The following DTX2 variants were observed in gnomAD, a reference collection of about 807,000 sequenced individuals.
DTX2 encodes probable E3 ubiquitin-protein ligase DTX2.
Under a neutral mutation model 55.3 loss-of-function variants are expected in DTX2, and 29 were observed. The observed-to-expected ratio is 0.52, with a 90% confidence interval of 0.39 to 0.71. The LOEUF (loss-of-function observed/expected upper bound fraction) is 0.71. DTX2 is among the 30% of genes least tolerant of loss of function. DTX2 has a pLI of 0.00. For synonymous variants in DTX2, 276 were observed against 340.4 expected, an observed-to-expected ratio of 0.81 and a Z score of 2.08; for missense variants, 537 against 822.5, an observed-to-expected ratio of 0.65 and a Z score of 4.25.
Position 76,505,789 on chromosome 7 carries a change from C to A in DTX2, c.*188C>A. On this transcript the variant is annotated 3_prime_UTR_variant, in exon 11 of 11. Coordinates refer to ENST00000430490, the MANE Select transcript of DTX2 (RefSeq NM_001102594.3). The surrounding 1 kb of genome is among the most constrained non-coding windows in gnomAD (Gnocchi z 4.4). ...TCCTCCCCTCTGGGAATTGGGCAGC[C>A]CTGGGCAGTTGTACTCATGGGGGCT... 1 of 662,626 alleles carries A rather than the reference C, an allele frequency of 1.5e-6. No homozygotes were observed. Among genetic ancestry groups the A allele is most frequent in the Non-Finnish European group, 2.6e-6 (1 of 386,802 alleles). 41.0% of individuals were successfully genotyped at this position (662,626 alleles called of 1,614,324 possible).
chr7:76,502,200 TC>T (rs67632183), intron 7 of DTX2, 97 bp from the exon 8 acceptor site: 130,083 of 1,269,898 alleles, frequency 0.1, 5,340 homozygotes, highest in Middle Eastern at 0.12. Flanking sequence ...TGACTGCACT[TC>T]CAGCATTTCA....
At chr7:76,486,795 C>T (rs1809949484) in intron 4 of DTX2, among the ~76,000 whole-genome samples, 1 of 139,824 alleles carries the variant, frequency 7.2e-6, no homozygotes. Context: ...CTGAATGGCT[C>T]AGTGGCCCTG....
intron 7 of DTX2, among the ~76,000 whole-genome samples, 157 bp downstream of exon 7, chr7:76,500,677 G>C (rs1316225563): frequency 1.3e-5 from 2 of 151,404 alleles, no homozygotes; most frequent in Admixed American, 1.3e-4. Context: ...CCAGCCTCCC[G>C]AGACCCACAT....
chr7:76,486,928 C>A (rs1270027108), intron 4 of DTX2, among the ~76,000 whole-genome samples: 2 of 142,648 alleles, frequency 1.4e-5, no homozygotes, highest in African/African-American at 5.4e-5. Context: ...CCTCCTGCTG[C>A]CACCTGTCTT....
At chr7:76,471,578 G>T (rs1275749039) in intron 2 of DTX2, among the ~76,000 whole-genome samples, 1 of 150,920 alleles carries the variant, frequency 6.6e-6, no homozygotes. Flanking sequence ...GCCCAGGTTG[G>T]AGTGTAGTGG....
intron 7 of DTX2, chr7:76,501,390 C>G: frequency 2.4e-6 from 1 of 410,348 alleles, no homozygotes; most frequent in East Asian, 7.1e-5. Flanking sequence ...GCGCTCAGCT[C>G]TGTCTCGGCC....
chr7:76,471,337 A>G (rs1415928958), intron 2 of DTX2, among the ~76,000 whole-genome samples: 4 of 148,168 alleles, frequency 2.7e-5, no homozygotes, highest in Admixed American at 6.8e-5. Flanking sequence ...AATTTTTTGT[A>G]TTTTTAGTAG....
chr7:76,503,153 A>C (rs1360324830), intron 8 of DTX2, among the ~76,000 whole-genome samples: 1 of 152,134 alleles, frequency 6.6e-6, no homozygotes, highest in Non-Finnish European at 1.5e-5. Flanking sequence ...AATGCGATTC[A>C]CCCGTGGAGA....
intron 7 of DTX2, among the ~76,000 whole-genome samples, chr7:76,500,859 A>G (rs1315890018): frequency 6.7e-6 from 1 of 148,508 alleles, no homozygotes; most frequent in Non-Finnish European, 1.5e-5. Context: ...TGTAGAAGTG[A>G]GGTGGCCTCG....
In DTX2 at chr7:76,482,715, A is replaced by G; in HGVS notation, c.476A>G (p.His159Arg). Residue 159 changes from histidine (H) to arginine (R), a missense_variant, in exon 4 of 11, where the codon CAC becomes CGC. This residue lies in a region of DTX2 where 301 missense variants were observed against 396.6 expected (regional missense o/e 0.76). Coordinates refer to ENST00000430490, the MANE Select transcript of DTX2 (RefSeq NM_001102594.3). ...GYNYTVNYTT[H>R]TQTNKTSSFC... ...AACTACACTGTCAACTACACCACCCACACGCAGACCAACAAGACTTCCAGC... is the reference window on the plus strand; with the variant it reads ...AACTACACTGTCAACTACACCACCCGCACGCAGACCAACAAGACTTCCAGC... 6.2e-7 allele frequency: 1 copy of G among 1,613,814 alleles called. No individual in the cohort carries two copies. The highest frequency in any genetic ancestry group is 1.3e-5 in the African/African-American group (1 of 75,006).
chr7:76,481,016 C>T (rs2539633), intron 3 of DTX2, among the ~76,000 whole-genome samples: 8 of 151,708 alleles, frequency 5.3e-5, no homozygotes, highest in African/African-American at 9.8e-5. Flanking sequence ...AAATGCCTGT[C>T]CCGACCACAG....
At chr7:76,482,460 A>G in intron 3 of DTX2, 48 bp from the exon 4 acceptor site, 1 of 1,528,176 alleles carries the variant, frequency 6.5e-7, no homozygotes, top group Non-Finnish European at 8.8e-7. Flanking sequence ...CGTTCCCTGT[A>G]TCTTGGGGAT....
intron 6 of DTX2, chr7:76,500,059 C>G (rs1584242889): frequency 2.7e-6 from 1 of 369,198 alleles, no homozygotes; most frequent in East Asian, 7.2e-5. Context: ...GCCACAACGC[C>G]CCCTGGAGTA....
chr7:76,500,921 T>C lies in DTX2; in HGVS notation c.1230+401T>C, dbSNP rs566757410. 2.4e-4 allele frequency among the ~76,000 whole-genome samples: 37 copies of C among 152,262 alleles called. No individual in the cohort carries two copies. The South Asian group carries it at 7.5e-3, about 31-fold the overall frequency. On this transcript the variant is annotated intron_variant, in intron 7 of 10. Transcript: ENST00000430490. ...TATTGGGAGAGCTGGTCAAGGTTCT[T>C]ATAATTTTTTTATTCTTAAAGACGG...
In DTX2 at chr7:76,480,431, G is replaced by A. The variant is rs1413809132; in HGVS notation, c.-79G>A. On this transcript the variant is annotated 5_prime_UTR_variant, in exon 3 of 11. Transcript: ENST00000430490. ...CTGTCCTGTTCACAGATCTGCCGGA[G>A]GCGCTGGGCAATGACCCCGGGACTC... 2 of 1,414,040 alleles carry A rather than the reference G, an allele frequency of 1.4e-6. No homozygotes were observed. The highest frequency in any genetic ancestry group is 2.4e-5 in the East Asian group (1 of 42,078). The allele number at this position is 1,414,040 out of a possible 1,614,324, so 87.6% of individuals were successfully genotyped here.
intron 5 of DTX2, among the ~76,000 whole-genome samples, chr7:76,496,224 G>A (rs1170857377): frequency 1.2e-5 from 1 of 83,528 alleles, no homozygotes; most frequent in Non-Finnish European, 2.4e-5. Context: ...CACATGTGCC[G>A]GGTTGAGAAG....
At position 76,502,353 on chromosome 7, in the gene DTX2, C is replaced by T. The variant is rs778870566; in HGVS notation, c.1286C>T (p.Thr429Ile). The change falls in exon 8 of 11, where the codon ACT becomes ATT. Residue 429 changes from threonine to isoleucine, a missense_variant. Physicochemically the swap from Thr to Ile is moderately conservative, Grantham distance 89. Around this residue, in one of 7 missense-constraint regions of DTX2, gnomAD observed 121 missense variants for 136.8 expected, o/e 0.88. Coordinates refer to ENST00000430490, the MANE Select transcript of DTX2 (RefSeq NM_001102594.3). ...ACAGCGTCTGGATACAGCGATGTGA[C>T]TGACAGCAAGGCAATCGGGTCCCTA... ...LSTASGYSDVTDSKAIGSLAV... is the reference protein window; with the variant it reads ...LSTASGYSDVIDSKAIGSLAV... 1.2e-6 allele frequency: 2 copies of T among 1,611,654 alleles called. No homozygotes were observed. Among genetic ancestry groups the T allele is most frequent in the African/African-American group, 2.7e-5 (2 of 74,932 alleles).
rs145545137 is a variant in DTX2, at chr7:76,503,452, C to T, written c.1416C>T (p.Cys472=). 495 of 1,612,758 alleles carry T rather than the reference C, an allele frequency of 3.1e-4. 1 individual carries two copies. Among genetic ancestry groups the T allele is most frequent in the Non-Finnish European group, 3.7e-4 (435 of 1,179,920 alleles). Residue 472 remains cysteine (C), a synonymous_variant, in exon 9 of 11, where the codon TGC becomes TGT. Transcript: ENST00000430490. ...ATGGAAGTCTGCAGTGTCCCTCCTG[C>T]AAAACCATCTATGGAGAGAAGACGG... ...NKDGSLQCPS[C]KTIYGEKTGT...
At chr7:76,468,608 C>G (rs2116168297) in intron 2 of DTX2, among the ~76,000 whole-genome samples, 1 of 52,730 alleles carries the variant, frequency 1.9e-5, no homozygotes, top group African/African-American at 8.7e-5. Context: ...CAGGCACCAG[C>G]CACCATGCCT....
Sources: allele counts gnomAD v4.1 joint callset (sites outside exome capture counted in the v4.1 genomes callset), GRCh38; gene constraint gnomAD v4.1.1; regional missense constraint gnomAD v4.1.1; non-coding constraint Gnocchi (gnomAD v3.1); transcripts MANE v1.5; gene names NCBI Gene and HGNC (gene_info 2026-07-23, HGNC 2026-07-21).